The following RASSF3 variants were observed in gnomAD, a reference collection of about 807,000 sequenced individuals.
RASSF3 encodes the protein ras association domain-containing protein 3.
A neutral mutation model predicts 19.9 loss-of-function variants in RASSF3; 19 were observed. That is an observed-to-expected ratio of 0.96 (90% CI 0.67 to 1.40). The LOEUF (loss-of-function observed/expected upper bound fraction) is 1.40. RASSF3 is among the 40% of genes most tolerant of loss of function. The pLI is 0.00. For synonymous variants in RASSF3, 110 were observed against 104.2 expected, an observed-to-expected ratio of 1.06 and a Z score of -0.34; for missense variants, 306 against 289.8, an observed-to-expected ratio of 1.06 and a Z score of -0.41.
chr12:64,555,073 G>T lies in RASSF3; in HGVS notation c.294+13368G>T, dbSNP rs545151792. 3.1e-3 allele frequency among the ~76,000 whole-genome samples: 473 copies of T among 151,974 alleles called. 5 individuals carry two copies. Among genetic ancestry groups the T allele is most frequent in the African/African-American group, 0.011 (458 of 41,466 alleles). ...AGCCTGGCCAACATGGTGAAACCCC[G>T]TCTTTACTAAAAATACAAAAACCAG... On this transcript the variant is annotated intron_variant, in intron 2 of 5. Transcript: ENST00000637125.
intron 1 of RASSF3, among the ~76,000 whole-genome samples, chr12:64,520,674 G>T (rs1331959368): frequency 6.7e-6 from 1 of 149,350 alleles, no homozygotes; most frequent in East Asian, 2.0e-4. Flanking sequence ...CAGTTCTTTG[G>T]ATTTCTGTTA....
rs377037283 is a variant in RASSF3, at chr12:64,644,662, A to G, written c.111+33919A>G. Among the ~76,000 whole-genome samples, 7 of 151,104 alleles carry G rather than the reference A, an allele frequency of 4.6e-5. No homozygotes were observed. In the East Asian group the frequency reaches 9.7e-4, roughly 21 times the overall value. On this transcript the variant is annotated intron_variant, in intron 1 of 4. Transcript: ENST00000542104. ...CAGTGAGCTGTGTTTGCATCACTAC[A>G]CTCCAGCCTGGGCAGCAGAGACCCT...
chr12:64,507,261 A>G (rs1868297640), exon 1 of RASSF3: 2 of 398,520 alleles, frequency 5.0e-6, no homozygotes, highest in East Asian at 7.1e-5. Context: ...CGGCTCTTTT[A>G]CTGGTTCCCC....
At chr12:64,570,968 A>G (rs1472220585) in intron 2 of RASSF3, among the ~76,000 whole-genome samples, 2 of 152,180 alleles carry the variant, frequency 1.3e-5, no homozygotes, top group African/African-American at 4.8e-5. Context: ...CTGTAATCCT[A>G]GAACTTTGGG....
At chr12:64,593,379 G>A (rs1869953517) in intron 2 of RASSF3, among the ~76,000 whole-genome samples, 1 of 152,086 alleles carries the variant, frequency 6.6e-6, no homozygotes, top group African/African-American at 2.4e-5. Context: ...ATAACACCAT[G>A]CCTGGCTAAT....
At chr12:64,675,948 GA>G (rs1386079488) in intron 1 of RASSF3, among the ~76,000 whole-genome samples, 5 of 151,786 alleles carry the variant, frequency 3.3e-5, no homozygotes, top group Non-Finnish European at 5.9e-5. Context: ...CTGGCAGGGG[GA>G]AAAAAATCCC....
chr12:64,610,729 C>G lies in RASSF3; in HGVS notation c.97C>G (p.Arg33Gly). 6.3e-7 allele frequency: 1 copy of G among 1,588,936 alleles called. No homozygotes were observed. Among genetic ancestry groups the G allele is most frequent in the Admixed American group, 1.7e-5 (1 of 58,136 alleles). ...CAGGAGAGCGCCCCAGGGCAAGCCC[C>G]GCTCCGGCCAACAAGTGAGTGGCGC... Reference protein sequence around the residue: ...FFRRAPQGKPRSGQQDVEKEK... With the variant: ...FFRRAPQGKPGSGQQDVEKEK... The change falls in exon 1 of 5, where the codon CGC (arginine) becomes GGC (glycine). Residue 33 changes from arginine (R) to glycine (G), a missense_variant. Transcript: ENST00000542104.
intron 2 of RASSF3, among the ~76,000 whole-genome samples, chr12:64,547,799 G>A (rs1047880857): frequency 6.6e-6 from 1 of 152,048 alleles, no homozygotes; most frequent in Non-Finnish European, 1.5e-5. Context: ...TCAAATTCCT[G>A]TTGTATTGCA....
At chr12:64,546,555 C>G (rs1470180418), downstream of RASSF3, among the ~76,000 whole-genome samples, 3 of 152,222 alleles carry the variant, frequency 2.0e-5, no homozygotes, top group African/African-American at 7.2e-5. Context: ...AAGGCGTGAG[C>G]CACTGCACCT....
intron 2 of RASSF3, among the ~76,000 whole-genome samples, chr12:64,594,413 C>T (rs1446605409): frequency 1.3e-5 from 2 of 152,060 alleles, no homozygotes; most frequent in Non-Finnish European, 2.9e-5. Flanking sequence ...TTCCTCTCCT[C>T]CCACCAATAA....
At chr12:64,692,865 C>T (rs1036149812) in intron 4 of RASSF3, among the ~76,000 whole-genome samples, 1 of 152,200 alleles carries the variant, frequency 6.6e-6, no homozygotes, top group African/African-American at 2.4e-5. Flanking sequence ...GCATGAGCCA[C>T]TGCACCTGGC....
At chr12:64,607,855 C>T (rs1381206968), upstream of RASSF3, among the ~76,000 whole-genome samples, 1 of 152,152 alleles carries the variant, frequency 6.6e-6, no homozygotes, top group Non-Finnish European at 1.5e-5. Context: ...CTTCTGGGCT[C>T]AAGTGATCCT....
At chr12:64,563,173 A>T (rs188178124) in intron 2 of RASSF3, among the ~76,000 whole-genome samples, 4,133 of 145,504 alleles carry the variant, frequency 0.028, 76 homozygotes, top group Non-Finnish European at 0.037. Flanking sequence ...TTTTATTTTT[A>T]TTTTTTTTTT....
chr12:64,638,880 C>A (rs1871416396), intron 1 of RASSF3, among the ~76,000 whole-genome samples: 1 of 152,130 alleles, frequency 6.6e-6, no homozygotes, highest in Admixed American at 6.5e-5. Context: ...CATAGTGTGC[C>A]CATTTTACTG....
intron 2 of RASSF3, among the ~76,000 whole-genome samples, chr12:64,584,623 T>C (rs1022787687): frequency 1.3e-5 from 2 of 151,976 alleles, no homozygotes; most frequent in Non-Finnish European, 2.9e-5. Flanking sequence ...TCCTTTCCTA[T>C]GAATTCCAAA....
chr12:64,663,801 C>T (rs370113187), intron 1 of RASSF3, among the ~76,000 whole-genome samples: 27 of 150,566 alleles, frequency 1.8e-4, no homozygotes, highest in African/African-American at 5.9e-4. Flanking sequence ...CCACCACCCC[C>T]GGCCATCCTG....
At chr12:64,578,327 C>T (rs1432869553) in intron 2 of RASSF3, among the ~76,000 whole-genome samples, 1 of 152,108 alleles carries the variant, frequency 6.6e-6, no homozygotes, top group East Asian at 1.9e-4. Context: ...CCAACGACAT[C>T]CCCAGGGAGG....
intron 1 of RASSF3, among the ~76,000 whole-genome samples, chr12:64,646,036 A>G (rs544081518): frequency 6.6e-6 from 1 of 152,300 alleles, no homozygotes; most frequent in East Asian, 1.9e-4. Context: ...AGTGCCACAC[A>G]TTGAGATTCA....
chr12:64,594,011 C>CAAA (rs34463362), intron 2 of RASSF3, among the ~76,000 whole-genome samples: 11 of 45,968 alleles, frequency 2.4e-4, no homozygotes, highest in East Asian at 6.9e-4. Context: ...GACTCTGTCT[C>CAAA]AAAAAAAAAA....
Sources: allele counts gnomAD v4.1 joint callset (sites outside exome capture counted in the v4.1 genomes callset), GRCh38; gene constraint gnomAD v4.1.1; transcripts MANE v1.5; gene names NCBI Gene and HGNC (gene_info 2026-07-23, HGNC 2026-07-21).